The following TRAPPC10 variants were observed in gnomAD, a reference collection of about 807,000 sequenced individuals.
TRAPPC10 encodes trafficking protein particle complex subunit 10.
Under a neutral mutation model 125.5 loss-of-function variants are expected in TRAPPC10, and 23 were observed. The observed-to-expected ratio is 0.18, with a 90% confidence interval of 0.13 to 0.26. The LOEUF (loss-of-function observed/expected upper bound fraction) is 0.26, where lower values mean the gene tolerates loss of function less well. Ranked by LOEUF, TRAPPC10 falls within the 10% of genes least tolerant of loss-of-function variation. TRAPPC10 has a pLI of 1.00. For synonymous variants in TRAPPC10, 509 were observed against 518.0 expected (o/e 0.98, Z 0.24); for missense variants, 1,123 against 1,308.4 (o/e 0.86, Z 2.19).
chr21:44,045,575 A>G (rs2034730346), intron 3 of TRAPPC10, among the ~76,000 whole-genome samples: 1 of 150,310 alleles, frequency 6.7e-6, no homozygotes, highest in Non-Finnish European at 1.5e-5. Context: ...TTTTTTTGAG[A>G]GAGTCTCGCA....
At chr21:44,012,590 C>T (rs1248467849) in intron 1 of TRAPPC10, 30 bp downstream of exon 1, 64 of 1,523,356 alleles carry the variant, frequency 4.2e-5, no homozygotes, top group Non-Finnish European at 5.6e-5. Flanking sequence ...GAGGGCGCGG[C>T]GGTCGTTGGG....
At chr21:44,084,313 G>A (rs778669182) in intron 15 of TRAPPC10, 50 bp downstream of exon 15, 1 of 1,570,676 alleles carries the variant, frequency 6.4e-7, no homozygotes, top group South Asian at 1.1e-5. Flanking sequence ...GGGCAGTTCT[G>A]AGGAGACCTG....
intron 13 of TRAPPC10, among the ~76,000 whole-genome samples, chr21:44,081,776 G>C (rs1057005001): frequency 1.9e-4 from 29 of 152,326 alleles, no homozygotes; most frequent in Middle Eastern, 3.4e-3. Flanking sequence ...CTACCCAGGA[G>C]GCTGAGGTAG....
chr21:44,082,988 G>A lies in TRAPPC10; in HGVS notation c.1924G>A (p.Ala642Thr). The change falls in exon 14 of 23, where the codon GCG becomes ACG. Residue 642 changes from alanine to threonine, a missense_variant. By Grantham distance (58) the Ala-to-Thr change is moderately conservative. Coordinates refer to ENST00000291574, the MANE Select transcript of TRAPPC10 (RefSeq NM_003274.5). The surrounding 1 kb of genome is among the most constrained non-coding windows in gnomAD (Gnocchi z 4.4). ...SIEKNSYRKT[A>T]EWLTKHKTSN... The stretch of plus-strand genomic sequence containing the variant: ...TGAGAAAAACAGCTACCGGAAGACT[G>A]CGGAGTGGCTTACCAAGCACAAGAC... 6.2e-7 allele frequency: 1 copy of A among 1,614,106 alleles called. No individual in the cohort carries two copies. The highest frequency in any genetic ancestry group is 8.5e-7 in the Non-Finnish European group (1 of 1,180,016).
intron 5 of TRAPPC10, among the ~76,000 whole-genome samples, chr21:44,057,225 G>A (rs1396991327): frequency 6.6e-6 from 1 of 152,118 alleles, no homozygotes; most frequent in Non-Finnish European, 1.5e-5. Context: ...TTGGGAAGAT[G>A]AGAAAGTTTG....
intron 15 of TRAPPC10, among the ~76,000 whole-genome samples, chr21:44,084,543 A>G (rs2037993535): frequency 6.6e-6 from 1 of 152,178 alleles, no homozygotes; most frequent in Non-Finnish European, 1.5e-5. Flanking sequence ...AAGAAACTCA[A>G]GGTATTTTTT....
chr21:44,022,776 A>G (rs1242707784), intron 1 of TRAPPC10, among the ~76,000 whole-genome samples: 1 of 149,400 alleles, frequency 6.7e-6, no homozygotes, highest in Non-Finnish European at 1.5e-5. Context: ...TTTTTTCTTT[A>G]TAACTTGATG....
At position 44,063,203 on chromosome 21, in the gene TRAPPC10, A is replaced by C; in HGVS notation, c.791-335A>C. 7.8e-7 allele frequency: 1 copy of C among 1,280,416 alleles called. No individual in the cohort carries two copies. The highest frequency in any genetic ancestry group is 1.0e-6 in the Non-Finnish European group (1 of 990,098). 79.3% of individuals were successfully genotyped at this position (1,280,416 alleles called of 1,614,324 possible). ...AGGAAGCCCAGCCCCGCTGCAGCCT[A>C]AGACTAGAGCCCTCCCTCGGCCTGA... On this transcript the variant is annotated intron_variant, in intron 6 of 22. Coordinates refer to ENST00000291574, the MANE Select transcript of TRAPPC10 (RefSeq NM_003274.5). This position sits in a 1 kb window ranked among gnomAD's most constrained non-coding sequence, Gnocchi z 4.4.
At chr21:44,081,910 G>A (rs531132705) in intron 13 of TRAPPC10, among the ~76,000 whole-genome samples, 15 of 152,224 alleles carry the variant, frequency 9.9e-5, no homozygotes, top group African/African-American at 3.4e-4. Flanking sequence ...GATCCATGTG[G>A]GTGGGTTTCT....
At chr21:44,070,562 C>T (rs1020682990) in intron 7 of TRAPPC10, among the ~76,000 whole-genome samples, 5 of 152,198 alleles carry the variant, frequency 3.3e-5, no homozygotes, top group Non-Finnish European at 5.9e-5. Context: ...CAGATGCCAC[C>T]ATAGAGGCAT....
In TRAPPC10 at chr21:44,083,174, AG is replaced by A; in HGVS notation, c.2111del (p.Arg704LysfsTer9). The A allele has an allele frequency of 6.2e-7, 1 of 1,614,228 alleles. No homozygotes were observed. Among genetic ancestry groups the A allele is most frequent in the Non-Finnish European group, 8.5e-7 (1 of 1,180,056 alleles). The part of the protein sequence containing the change: ...IICRNVHMLL[R>X]RQESSSSLEM... Reference sequence around the variant, plus strand: ...CTGCAGAAACGTCCACATGCTCCTGAGAAGGCAGGAGAGCAGCTCCTCTCTA... The same window carrying A: ...CTGCAGAAACGTCCACATGCTCCTGAAAGGCAGGAGAGCAGCTCCTCTCTA... On this transcript the variant is annotated frameshift_variant, in exon 14 of 23. Transcript: ENST00000291574. LOFTEE classifies it high-confidence loss of function.
chr21:44,045,654 C>T (rs1163138540), intron 3 of TRAPPC10, among the ~76,000 whole-genome samples: 2 of 151,838 alleles, frequency 1.3e-5, no homozygotes, highest in Non-Finnish European at 2.9e-5. Flanking sequence ...CGGGTTCAAG[C>T]GATTCTCCTG....
At chr21:44,045,345 T>G (rs1053770523) in intron 3 of TRAPPC10, among the ~76,000 whole-genome samples, 3 of 152,122 alleles carry the variant, frequency 2.0e-5, no homozygotes, top group Non-Finnish European at 4.4e-5. Flanking sequence ...TACGGTAAGC[T>G]CTTTCAGCTT....
intron 6 of TRAPPC10, chr21:44,060,210 G>A (rs1382619248): frequency 6.6e-6 from 1 of 151,418 alleles, no homozygotes; most frequent in African/African-American, 2.4e-5. Context: ...CAGAACCAAA[G>A]CAAAGTGTTT....
intron 1 of TRAPPC10, among the ~76,000 whole-genome samples, chr21:44,030,319 T>C (rs2033464015): frequency 6.6e-6 from 1 of 152,154 alleles, no homozygotes; most frequent in Non-Finnish European, 1.5e-5. Flanking sequence ...TCCATTTAGT[T>C]GGCTTACTTT....
chr21:44,049,772 C>G (rs1430578602), intron 3 of TRAPPC10, among the ~76,000 whole-genome samples: 2 of 152,344 alleles, frequency 1.3e-5, no homozygotes, highest in African/African-American at 4.8e-5. Flanking sequence ...GCTGCTGCCT[C>G]TGTCTTGGAG....
intron 17 of TRAPPC10, chr21:44,088,147 C>A: frequency 1.7e-6 from 1 of 573,930 alleles, no homozygotes; most frequent in South Asian, 2.1e-5. Flanking sequence ...CTACCTTTCC[C>A]TCTCAGTTCC....
intron 2 of TRAPPC10, among the ~76,000 whole-genome samples, chr21:44,032,631 C>T (rs914627371): frequency 1.3e-5 from 2 of 152,204 alleles, no homozygotes; most frequent in African/African-American, 4.8e-5. Flanking sequence ...ACCCGCCCTC[C>T]TCGGCCTCTC....
intron 1 of TRAPPC10, among the ~76,000 whole-genome samples, chr21:44,021,702 G>C (rs756449998): frequency 4.6e-5 from 7 of 152,320 alleles, no homozygotes; most frequent in Non-Finnish European, 8.8e-5. Context: ...GCTAAGAATA[G>C]GAGATGGGCC....
Sources: gnomAD v4.1 joint callset for allele counts (sites outside exome capture counted in the v4.1 genomes callset) on GRCh38, gnomAD v4.1.1 for gene constraint, Gnocchi (gnomAD v3.1) non-coding constraint, MANE v1.5 for transcripts, NCBI Gene and HGNC (gene_info 2026-07-23, HGNC 2026-07-21) for gene names.